Variants in GABRR2 observed in about 807,000 individuals in gnomAD.
GABRR2 encodes the protein gamma-aminobutyric acid type A receptor subunit rho2.
In GABRR2, 36 loss-of-function variants were observed where a neutral mutation model predicts 47.0. The observed-to-expected ratio is 0.77, with a 90% CI of 0.59 to 1.01. The LOEUF (loss-of-function observed/expected upper bound fraction) is 1.01. GABRR2 is among the 50% of genes least tolerant of loss of function. The probability of loss-of-function intolerance (pLI) is 0.00; values close to 1 mark genes in which losing one functional copy is unlikely to be tolerated. For missense variants in GABRR2, 587 were observed against 594.6 expected (o/e 0.99, Z 0.13); for synonymous variants, 204 against 227.5 (o/e 0.90, Z 0.93).
rs1044094561 is a variant in GABRR2, at chr6:89,293,702, A to G, written c.220+6057T>C. ...CTCAGGAGGCTGAAGTGGAAGGATCACCTGAGCCCGGACAGTTGAGGCTGC... is the reference window on the plus strand; with the variant it reads ...CTCAGGAGGCTGAAGTGGAAGGATCGCCTGAGCCCGGACAGTTGAGGCTGC... On this transcript the variant is annotated intron_variant, in intron 2 of 8. Transcript: ENST00000402938. Among the ~76,000 whole-genome samples the G allele has an allele frequency of 3.3e-5, 5 of 152,294 alleles. No individual in the cohort carries two copies. The East Asian group carries it at 9.6e-4, about 29-fold the overall frequency.
At chr6:89,291,236 G>A (rs1203624863) in intron 2 of GABRR2, among the ~76,000 whole-genome samples, 1 of 152,026 alleles carries the variant, frequency 6.6e-6, no homozygotes, top group Admixed American at 6.6e-5. Context: ...CCCCTCATCA[G>A]CTGTGGCCTG....
At chr6:89,291,535 G>C (rs181423283) in intron 2 of GABRR2, among the ~76,000 whole-genome samples, 6 of 149,928 alleles carry the variant, frequency 4.0e-5, no homozygotes, top group African/African-American at 1.5e-4. Context: ...CTGACACTTC[G>C]CTGCTTCCTG....
intron 2 of GABRR2, among the ~76,000 whole-genome samples, chr6:89,277,870 G>GC (rs1310499297): frequency 9.7e-6 from 1 of 102,672 alleles, no homozygotes; most frequent in South Asian, 3.7e-4. Context: ...GGCGGGGGTG[G>GC]GGGGGGGTGG....
intron 6 of GABRR2, among the ~76,000 whole-genome samples, chr6:89,266,260 C>T (rs1368537255): frequency 6.6e-6 from 1 of 152,078 alleles, no homozygotes; most frequent in Non-Finnish European, 1.5e-5. Flanking sequence ...TTTGTAGAGA[C>T]AGGGGTTTCA....
At chr6:89,261,669 CTG>C (rs1773748991) in intron 8 of GABRR2, among the ~76,000 whole-genome samples, 1 of 152,226 alleles carries the variant, frequency 6.6e-6, no homozygotes, top group African/African-American at 2.4e-5. Flanking sequence ...AAAGAATACA[CTG>C]TGTGCTAACT....
chr6:89,302,524 C>A, intron 1 of GABRR2: 3 of 821,880 alleles, frequency 3.7e-6, no homozygotes, highest in Non-Finnish European at 5.8e-6. Flanking sequence ...TGCGGACCTG[C>A]ACAAGCTGGT....
At position 89,311,643 on chromosome 6, in the gene GABRR2, G is replaced by A. The variant is rs189422527; in HGVS notation, c.113+3410C>T. Among the ~76,000 whole-genome samples, 7 of 152,304 alleles carry A rather than the reference G, an allele frequency of 4.6e-5. No individual in the cohort carries two copies. In the East Asian group the frequency reaches 1.4e-3, roughly 29 times the overall value. ...GATCCACTATGCCTTTGGAAGCAGG[G>A]CTGATGTCACCGTGTTGTGGTTTTT... On this transcript the variant is annotated intron_variant, in intron 1 of 8. Transcript: ENST00000402938.
At chr6:89,301,637 A>G (rs1262201968) in intron 1 of GABRR2, 11 of 409,488 alleles carry the variant, frequency 2.7e-5, no homozygotes, top group Non-Finnish European at 3.6e-5. Flanking sequence ...CACAAAAAGA[A>G]TAAAATGCCT....
At position 89,271,694 on chromosome 6, in the gene GABRR2, T is replaced by TCCACGCTCTCCACCTGC; in HGVS notation, c.248_249insGCAGGTGGAGAGCGTGG (p.Leu88ValfsTer19). 5 of 1,611,570 alleles carry TCCACGCTCTCCACCTGC rather than the reference T, an allele frequency of 3.1e-6. No homozygotes were observed. The highest frequency in any genetic ancestry group is 4.2e-6 in the Non-Finnish European group (5 of 1,178,772). ...AGATGCTGTCCAGGCTCTCCACCTG[T>TCCACGCTCTCCACCTGC]ACGTCCACGCCCACCGGGATGGCAG... On this transcript the variant is annotated frameshift_variant, in exon 3 of 9. Transcript: ENST00000402938. LOFTEE classifies it high-confidence loss of function.
chr6:89,304,844 A>C (rs1416806647), intron 1 of GABRR2, among the ~76,000 whole-genome samples: 2 of 152,214 alleles, frequency 1.3e-5, no homozygotes, highest in Non-Finnish European at 2.9e-5. Context: ...GTTGATGGGA[A>C]TATAAATTAG....
intron 8 of GABRR2, among the ~76,000 whole-genome samples, 199 bp from the exon 9 acceptor site, chr6:89,258,180 C>T (rs962347321): frequency 6.6e-6 from 1 of 152,200 alleles, no homozygotes; most frequent in Admixed American, 6.5e-5. Context: ...TTAAACTGGC[C>T]ATGCCCGGGC....
At position 89,299,768 on chromosome 6, in the gene GABRR2, C is replaced by T. The variant is rs374158881; in HGVS notation, c.211G>A (p.Ala71Thr). The change falls in exon 2 of 9, where the codon GCC becomes ACC. Residue 71 changes from alanine (A) to threonine (T), a missense_variant. Coordinates refer to ENST00000402938, the MANE Select transcript of GABRR2 (RefSeq NM_002043.5). ...GGAAGAACAGTCCTACCTCCGAAGG[C>T]GGGTCTCATGCTGAAGTCGTGCTCG... Reference protein sequence around the residue: ...VDEHDFSMRPAFGGPAIPVGV... With the variant: ...VDEHDFSMRPTFGGPAIPVGV... 33 of 1,612,542 alleles carry T rather than the reference C, an allele frequency of 2.0e-5. No individual in the cohort carries two copies. Among genetic ancestry groups the T allele is most frequent in the African/African-American group, 5.3e-5 (4 of 74,890 alleles).
intron 8 of GABRR2, among the ~76,000 whole-genome samples, chr6:89,261,093 G>A (rs907745825): frequency 6.6e-6 from 1 of 152,202 alleles, no homozygotes; most frequent in Non-Finnish European, 1.5e-5. Context: ...ACAGTTGCTG[G>A]CAAAGATCCA....
intron 8 of GABRR2, 68 bp downstream of exon 8, chr6:89,264,343 CT>C (rs1773827356): frequency 5.3e-6 from 8 of 1,507,044 alleles, no homozygotes; most frequent in East Asian, 2.4e-5. Flanking sequence ...CCTCTGCCCC[CT>C]GGCCCAGAAG....
rs372394960 is a variant in GABRR2, at chr6:89,257,977, G to A, written c.1091C>T (p.Pro364Leu). 18 of 1,611,966 alleles carry A rather than the reference G, an allele frequency of 1.1e-5. No individual in the cohort carries two copies. Among genetic ancestry groups the A allele is most frequent in the African/African-American group, 6.7e-5 (5 of 74,822 alleles). Residue 364 changes from proline (P) to leucine (L), a missense_variant, in exon 9 of 9, where the codon CCG becomes CTG. Physicochemically the swap from Pro to Leu is moderately conservative, Grantham distance 98 (BLOSUM62 -3). Coordinates refer to ENST00000402938, the MANE Select transcript of GABRR2 (RefSeq NM_002043.5). ...TGAATGAAGCATTCCACACATGCACGGGAACTATGGGCAGCAAGCACAAAG... is the reference window on the plus strand; with the variant it reads ...TGAATGAAGCATTCCACACATGCACAGGAACTATGGGCAGCAAGCACAAAG... ...RKERKLREKF[P>L]CMCGMLHSKT...
intron 1 of GABRR2, among the ~76,000 whole-genome samples, chr6:89,314,020 G>GTTT (rs35891444): frequency 4.2e-5 from 6 of 141,304 alleles, no homozygotes; most frequent in Admixed American, 1.4e-4. Flanking sequence ...TATATTCAGG[G>GTTT]TTTTTTTTTT....
At position 89,268,115 on chromosome 6, in the gene GABRR2, C is replaced by T. The variant is rs940485448; in HGVS notation, c.513-19G>A. 3 of 1,591,282 alleles carry T rather than the reference C, an allele frequency of 1.9e-6. No individual in the cohort carries two copies. Among genetic ancestry groups the T allele is most frequent in the African/African-American group, 1.3e-5 (1 of 74,592 alleles). On this transcript the variant is annotated intron_variant, in intron 4 of 8. Transcript: ENST00000402938. ...CGTAATCCTAGACAACCCAGAGTCA[C>T]ATATTGGCTTGTGCGGTGAATTATT...
chr6:89,269,311 C>T, intron 3 of GABRR2, 77 bp from the exon 4 acceptor site: 1 of 1,057,132 alleles, frequency 9.5e-7, no homozygotes, highest in Non-Finnish European at 1.5e-6. Flanking sequence ...CCATTCACTA[C>T]TGTGGTGAAC....
Position 89,271,702 on chromosome 6 carries a change from C to T in GABRR2, c.241G>A (p.Val81Met), listed in dbSNP as rs779819646. The T allele has an allele frequency of 1.4e-5, 23 of 1,612,568 alleles. No individual in the cohort carries two copies. Among genetic ancestry groups the T allele is most frequent in the Middle Eastern group, 1.7e-4 (1 of 6,058 alleles). ...AFGGPAIPVGVDVQVESLDSI... is the reference protein window; with the variant it reads ...AFGGPAIPVGMDVQVESLDSI... ...TCCAGGCTCTCCACCTGTACGTCCACGCCCACCGGGATGGCAGGGCCTGCA... is the reference window on the plus strand; with the variant it reads ...TCCAGGCTCTCCACCTGTACGTCCATGCCCACCGGGATGGCAGGGCCTGCA... The change falls in exon 3 of 9, where the codon GTG becomes ATG. Residue 81 changes from valine to methionine, a missense_variant. Coordinates refer to ENST00000402938, the MANE Select transcript of GABRR2 (RefSeq NM_002043.5).
Sources: allele counts gnomAD v4.1 joint callset (sites outside exome capture counted in the v4.1 genomes callset), GRCh38; gene constraint gnomAD v4.1.1; transcripts MANE v1.5; gene names NCBI Gene and HGNC (gene_info 2026-07-23, HGNC 2026-07-21).